Variants in KIFAP3 observed in about 807,000 individuals in gnomAD.
The protein encoded by KIFAP3 is kinesin-associated protein 3.
Under a neutral mutation model 106.5 loss-of-function variants are expected in KIFAP3, and 68 were observed. That is an observed-to-expected ratio of 0.64 (90% CI 0.53 to 0.78). KIFAP3 has a LOEUF of 0.78. Among genes scored for constraint, KIFAP3 ranks in the 30% least tolerant of loss-of-function variants. The probability of loss-of-function intolerance (pLI) is 0.00; values close to 1 mark genes in which losing one functional copy is unlikely to be tolerated. For missense variants in KIFAP3, 780 were observed against 941.8 expected, an observed-to-expected ratio of 0.83 and a Z score of 2.25; for synonymous variants, 320 against 311.5, an observed-to-expected ratio of 1.03 and a Z score of -0.29.
At chr1:170,025,137 A>G (rs1669041959) in intron 8 of KIFAP3, among the ~76,000 whole-genome samples, 1 of 152,168 alleles carries the variant, frequency 6.6e-6, no homozygotes, top group Admixed American at 6.5e-5. Context: ...CTATAAGAAA[A>G]GACCTTATGA....
At chr1:170,010,789 T>TG (rs1311958969) in intron 10 of KIFAP3, among the ~76,000 whole-genome samples, 2 of 152,010 alleles carry the variant, frequency 1.3e-5, no homozygotes, top group African/African-American at 2.4e-5. Context: ...TTTTCTGTTG[T>TG]GGGGGTCCCC....
intron 3 of KIFAP3, among the ~76,000 whole-genome samples, chr1:170,040,319 A>C (rs1395833994): frequency 6.6e-6 from 1 of 152,184 alleles, no homozygotes; most frequent in Non-Finnish European, 1.5e-5. Context: ...GTTTTCTAAA[A>C]AGTGTATATT....
intron 9 of KIFAP3, among the ~76,000 whole-genome samples, chr1:170,017,879 C>CA (rs1416089103): frequency 2.0e-5 from 3 of 152,062 alleles, no homozygotes; most frequent in African/African-American, 4.8e-5. Context: ...GCAATGAAGG[C>CA]AAAAAATTAT....
In KIFAP3 at chr1:170,055,420, T is replaced by G. The variant is rs1171758650; in HGVS notation, c.49A>C (p.Asn17His). The G allele has an allele frequency of 1.6e-5, 25 of 1,595,346 alleles. No homozygotes were observed. Among genetic ancestry groups the G allele is most frequent in the Non-Finnish European group, 2.1e-5 (24 of 1,170,678 alleles). The change falls in exon 2 of 20, where the codon AAT becomes CAT. Residue 17 changes from asparagine to histidine, a missense_variant. Asn to His is a moderately conservative substitution (Grantham distance 68). This residue lies in a region of KIFAP3 where 588 missense variants were observed against 678.9 expected (regional missense o/e 0.87). Coordinates refer to ENST00000361580, the MANE Select transcript of KIFAP3 (RefSeq NM_014970.4). ...TTTTCTGATGGATGTACATCTATAT[T>G]CCCTCCTTTAACTTTCCTATAATAC... is the stretch of plus-strand genomic sequence containing the variant. ...RYLKRKVKGGNIDVHPSEKAL... is the reference protein window; with the variant it reads ...RYLKRKVKGGHIDVHPSEKAL...
upstream of KIFAP3, among the ~76,000 whole-genome samples, chr1:170,078,726 C>G (rs770906899): frequency 1.3e-5 from 2 of 152,028 alleles, no homozygotes; most frequent in Non-Finnish European, 2.9e-5. Context: ...TGCATTCTAC[C>G]AAGCAAGTAA....
intron 2 of KIFAP3, among the ~76,000 whole-genome samples, chr1:170,053,720 C>A (rs1670695900): frequency 1.1e-4 from 16 of 151,972 alleles, no homozygotes. Flanking sequence ...TTCGACAAAT[C>A]TGACAAAAAC....
At chr1:170,027,906 C>G (rs1413310835) in intron 8 of KIFAP3, among the ~76,000 whole-genome samples, 1 of 151,712 alleles carries the variant, frequency 6.6e-6, no homozygotes, top group Non-Finnish European at 1.5e-5. Flanking sequence ...TAAAAGCAGT[C>G]CAAGAAAAAG....
intron 10 of KIFAP3, among the ~76,000 whole-genome samples, chr1:169,998,979 A>T (rs965380357): frequency 2.6e-5 from 4 of 152,200 alleles, no homozygotes; most frequent in African/African-American, 9.7e-5. Flanking sequence ...GTCTGGCAAT[A>T]ACCTGAATTC....
chr1:170,069,573 T>C (rs1390334282), intron 1 of KIFAP3, among the ~76,000 whole-genome samples: 3 of 152,048 alleles, frequency 2.0e-5, no homozygotes, highest in African/African-American at 7.2e-5. Flanking sequence ...TACATGATTA[T>C]CTCAATCGAT....
At chr1:169,991,233 G>C (rs1667085848) in intron 11 of KIFAP3, among the ~76,000 whole-genome samples, 1 of 151,948 alleles carries the variant, frequency 6.6e-6, no homozygotes, top group African/African-American at 2.4e-5. Context: ...TGTAGTCCTA[G>C]CTACCCAGGA....
chr1:170,020,663 T>C (rs1668763084), intron 9 of KIFAP3, among the ~76,000 whole-genome samples: 1 of 152,164 alleles, frequency 6.6e-6, no homozygotes. Flanking sequence ...TTAGTCACGA[T>C]GGTCTCTATC....
At chr1:170,031,273 G>A (rs1571698173) in intron 8 of KIFAP3, among the ~76,000 whole-genome samples, 1 of 151,646 alleles carries the variant, frequency 6.6e-6, no homozygotes, top group East Asian at 1.9e-4. Context: ...TTCACAGGAT[G>A]AAAATATTTT....
intron 1 of KIFAP3, among the ~76,000 whole-genome samples, chr1:170,056,159 A>C (rs767838484): frequency 6.6e-6 from 1 of 152,132 alleles, no homozygotes; most frequent in Non-Finnish European, 1.5e-5. Context: ...TAACTGGACC[A>C]AAAGACACGA....
At chr1:170,023,124 GTT>G (rs1411085720) in intron 9 of KIFAP3, among the ~76,000 whole-genome samples, 1 of 151,986 alleles carries the variant, frequency 6.6e-6, no homozygotes. Flanking sequence ...CAAAAAACAT[GTT>G]TGATTAATCT....
intron 2 of KIFAP3, among the ~76,000 whole-genome samples, chr1:170,054,983 A>C (rs1670771225): frequency 1.3e-5 from 2 of 152,206 alleles, no homozygotes; most frequent in African/African-American, 2.4e-5. Context: ...AAATTAAACA[A>C]ACAGACAAAC....
In KIFAP3 at chr1:170,005,762, A is replaced by G. The variant is rs193109955; in HGVS notation, c.1183+10700T>C. Among the ~76,000 whole-genome samples, 11 of 150,186 alleles carry G rather than the reference A, an allele frequency of 7.3e-5. No homozygotes were observed. In the East Asian group the frequency reaches 1.4e-3, roughly 19 times the overall value. On this transcript the variant is annotated intron_variant, in intron 10 of 19. Coordinates refer to ENST00000361580, the MANE Select transcript of KIFAP3 (RefSeq NM_014970.4). ...TAGGAGATATACCTAATGCTAAATG[A>G]CGAGTTAATGGGTGCAGCACACCAA...
chr1:169,980,173 T>C (rs1279396204), intron 15 of KIFAP3, among the ~76,000 whole-genome samples: 3 of 152,136 alleles, frequency 2.0e-5, no homozygotes, highest in Non-Finnish European at 4.4e-5. Flanking sequence ...TTTATTTTCT[T>C]ACATGAGTGA....
At chr1:170,051,489 T>G (rs981280623) in intron 2 of KIFAP3, among the ~76,000 whole-genome samples, 9 of 152,182 alleles carry the variant, frequency 5.9e-5, no homozygotes, top group African/African-American at 4.8e-5. Context: ...CTGGATCAAG[T>G]GTACCTAATA....
chr1:169,932,468 C>T (rs1221571345), intron 19 of KIFAP3, among the ~76,000 whole-genome samples: 1 of 152,018 alleles, frequency 6.6e-6, no homozygotes, highest in East Asian at 1.9e-4. Context: ...TGATAATGCA[C>T]TATTGAAATG....
Sources: allele counts gnomAD v4.1 joint callset (sites outside exome capture counted in the v4.1 genomes callset), GRCh38; gene constraint gnomAD v4.1.1; regional missense constraint gnomAD v4.1.1; transcripts MANE v1.5; gene names NCBI Gene and HGNC (gene_info 2026-07-23, HGNC 2026-07-21).